The following NMNAT1 variants were observed in gnomAD, a reference collection of about 807,000 sequenced individuals.
NMNAT1 encodes the protein nicotinamide/nicotinic acid mononucleotide adenylyltransferase 1.
Under a neutral mutation model 16.7 loss-of-function variants are expected in NMNAT1, and 11 were observed. The observed-to-expected ratio is 0.66, with a 90% CI of 0.41 to 1.09. The LOEUF (loss-of-function observed/expected upper bound fraction) is 1.09, where lower values mean the gene tolerates loss of function less well. Ranked by LOEUF, NMNAT1 falls within the 50% of genes least tolerant of loss-of-function variation. NMNAT1 has a pLI of 0.00. For synonymous variants in NMNAT1, 110 were observed against 119.8 expected (o/e 0.92, Z 0.53); for missense variants, 280 against 332.3 (o/e 0.84, Z 1.22).
upstream of NMNAT1, chr1:9,943,057 A>G: frequency 3.6e-6 from 1 of 279,388 alleles, no homozygotes; most frequent in South Asian, 3.4e-5. Context: ...CTTCCTTGAA[A>G]GTGAGGAGGG....
At chr1:9,974,063 C>G (rs1641751484) in intron 2 of NMNAT1, among the ~76,000 whole-genome samples, 1 of 152,130 alleles carries the variant, frequency 6.6e-6, no homozygotes, top group South Asian at 2.1e-4. Flanking sequence ...CTCTTGAACT[C>G]CTGTTCTCAA....
the NMNAT1 span, among the ~76,000 whole-genome samples, chr1:9,991,966 G>GAGGC: frequency 6.6e-6 from 1 of 152,024 alleles, no homozygotes; most frequent in African/African-American, 2.4e-5. Flanking sequence ...TCTAGAGGCT[G>GAGGC]AGGCAGGAGA....
chr1:9,975,701 G>A lies in NMNAT1; in HGVS notation c.225G>A (p.Lys75=). The change falls in exon 3 of 5, where the codon AAG becomes AAA. Residue 75 remains lysine, a synonymous_variant. Coordinates refer to ENST00000377205, the MANE Select transcript of NMNAT1 (RefSeq NM_022787.4). Reference sequence around the variant, plus strand: ...TCATCATGGCAGAACTTGCTACCAAGAATTCTAAATGGGTGGAAGTTGATA... The same window carrying A: ...TCATCATGGCAGAACTTGCTACCAAAAATTCTAAATGGGTGGAAGTTGATA... The part of the protein sequence containing the change: ...HRVIMAELAT[K]NSKWVEVDTW... 2 of 1,614,074 alleles carry A rather than the reference G, an allele frequency of 1.2e-6. No homozygotes were observed. Among genetic ancestry groups the A allele is most frequent in the Non-Finnish European group, 1.7e-6 (2 of 1,180,000 alleles).
intron 1 of NMNAT1, among the ~76,000 whole-genome samples, chr1:9,943,905 G>A (rs1268891154): frequency 6.6e-6 from 1 of 152,132 alleles, no homozygotes; most frequent in Non-Finnish European, 1.5e-5. Flanking sequence ...TGCTGGAGGT[G>A]GTTTGACACT....
intron 2 of NMNAT1, among the ~76,000 whole-genome samples, chr1:9,975,045 G>C (rs568375464): frequency 6.6e-5 from 10 of 152,276 alleles, no homozygotes; most frequent in African/African-American, 2.4e-4. Flanking sequence ...AGTTGGGGAA[G>C]ATGAGAAAAT....
intron 1 of NMNAT1, among the ~76,000 whole-genome samples, chr1:9,970,689 CAA>C (rs550486839): frequency 1.8e-4 from 15 of 84,288 alleles, no homozygotes; most frequent in Admixed American, 2.6e-4. Context: ...ACTCCCGTCT[CAA>C]AAAAAAAAAA....
chr1:9,950,150 A>G (rs1641074077), intron 1 of NMNAT1, among the ~76,000 whole-genome samples: 1 of 151,974 alleles, frequency 6.6e-6, no homozygotes, highest in African/African-American at 2.4e-5. Context: ...GAGGGCAGTG[A>G]CGCAATCTCG....
At chr1:9,962,374 T>C (rs983539123) in intron 1 of NMNAT1, among the ~76,000 whole-genome samples, 8 of 149,994 alleles carry the variant, frequency 5.3e-5, no homozygotes, top group Middle Eastern at 3.2e-3. Context: ...CCCAGCTACT[T>C]GGGAGGCTGA....
chr1:9,995,764 C>A, the NMNAT1 span, among the ~76,000 whole-genome samples: 1 of 152,054 alleles, frequency 6.6e-6, no homozygotes, highest in Non-Finnish European at 1.5e-5. Context: ...TGCGGTGGCT[C>A]ACACCTATAA....
At chr1:9,978,276 A>ATTCTCC (rs1385749228) in intron 3 of NMNAT1, among the ~76,000 whole-genome samples, 1 of 152,146 alleles carries the variant, frequency 6.6e-6, no homozygotes, top group African/African-American at 2.4e-5. Flanking sequence ...GAATCCCTTG[A>ATTCTCC]ACCCGGGAGG....
the NMNAT1 span, among the ~76,000 whole-genome samples, chr1:9,993,900 G>A: frequency 6.6e-6 from 1 of 152,196 alleles, no homozygotes; most frequent in Admixed American, 6.6e-5. Context: ...CGTCAAGTAG[G>A]AGGCGAGAGG....
chr1:9,959,086 T>C (rs1641337441), intron 1 of NMNAT1, among the ~76,000 whole-genome samples: 1 of 151,982 alleles, frequency 6.6e-6, no homozygotes, highest in African/African-American at 2.4e-5. Context: ...TGTAAGAAAA[T>C]CTTGGTCGGG....
chr1:9,954,319 C>G (rs903767903), intron 1 of NMNAT1, among the ~76,000 whole-genome samples: 5 of 152,016 alleles, frequency 3.3e-5, no homozygotes, highest in Non-Finnish European at 5.9e-5. Flanking sequence ...TAGTGACCCT[C>G]TTACTTCAAC....
chr1:9,988,715 A>G (rs1343962229), downstream of NMNAT1, among the ~76,000 whole-genome samples: 1 of 142,050 alleles, frequency 7.0e-6, no homozygotes. Context: ...AAAAAAAAAA[A>G]AAAAAAAAGG....
intron 1 of NMNAT1, among the ~76,000 whole-genome samples, chr1:9,964,667 G>A (rs991738454): frequency 6.6e-6 from 1 of 151,886 alleles, no homozygotes; most frequent in South Asian, 2.1e-4. Flanking sequence ...TGCTTCAAGC[G>A]GCCAGGCACG....
rs150499058 is a variant in NMNAT1, at chr1:9,966,365, C to T, written c.-56-5653C>T. Among the ~76,000 whole-genome samples the T allele has an allele frequency of 9.9e-3, 1,501 of 152,136 alleles. 29 individuals carry two copies. Among genetic ancestry groups the T allele is most frequent in the African/African-American group, 0.034 (1,412 of 41,510 alleles). ...CGGTGGCTCACGCCTGTAATCCCAA[C>T]GCTGTGGGAGGCTGAGGCAGGCAGA... On this transcript the variant is annotated intron_variant, in intron 1 of 4. Transcript: ENST00000377205.
At chr1:9,953,674 CAG>C (rs1432068555) in intron 1 of NMNAT1, among the ~76,000 whole-genome samples, 1 of 151,960 alleles carries the variant, frequency 6.6e-6, no homozygotes, top group Non-Finnish European at 1.5e-5. Context: ...CTCGTGACCT[CAG>C]GTGATCCATC....
chr1:9,988,819 C>T (rs1329308289), downstream of NMNAT1, among the ~76,000 whole-genome samples: 1 of 150,972 alleles, frequency 6.6e-6, no homozygotes, highest in Non-Finnish European at 1.5e-5. Flanking sequence ...GCGTGTGCCA[C>T]CACACCCAGC....
chr1:9,967,632 T>C (rs941013104), intron 1 of NMNAT1, among the ~76,000 whole-genome samples: 1 of 151,918 alleles, frequency 6.6e-6, no homozygotes, highest in Non-Finnish European at 1.5e-5. Context: ...AGAATAGCAA[T>C]TGTAAATTAA....
Sources: allele counts gnomAD v4.1 joint callset (sites outside exome capture counted in the v4.1 genomes callset), GRCh38; gene constraint gnomAD v4.1.1; transcripts MANE v1.5; gene names NCBI Gene and HGNC (gene_info 2026-07-23, HGNC 2026-07-21).